ABI1: variants seen among roughly 807,000 people sequenced by gnomAD.
ABI1 encodes Abelson interactor 1.
A neutral mutation model predicts 54.6 loss-of-function variants in ABI1; 14 were observed. The observed-to-expected ratio is 0.26, with a 90% CI of 0.17 to 0.40. The LOEUF (loss-of-function observed/expected upper bound fraction) is 0.40. Ranked by LOEUF, ABI1 falls within the 10% of genes least tolerant of loss-of-function variation. The pLI is 1.00. For synonymous variants in ABI1, 194 were observed against 209.3 expected, an observed-to-expected ratio of 0.93 and a Z score of 0.63; for missense variants, 443 against 598.3, an observed-to-expected ratio of 0.74 and a Z score of 2.71.
Position 26,823,123 on chromosome 10 carries a change from T to A in ABI1, c.285+15A>T. On this transcript the variant is annotated intron_variant, in intron 2 of 10. Coordinates refer to ENST00000376140, the MANE Select transcript of ABI1 (RefSeq NM_001012750.3). ...TTTTTTTAAATTGAATTTAAAGCAT[T>A]TTATAAGCTGTTACCTGTGAGATAT... 6.4e-7 allele frequency: 1 copy of A among 1,566,696 alleles called. No homozygotes were observed. Among genetic ancestry groups the A allele is most frequent in the Non-Finnish European group, 8.6e-7 (1 of 1,164,612 alleles).
At position 26,784,628 on chromosome 10, in the gene ABI1, G is replaced by C. The variant is rs75000733; in HGVS notation, c.286-7387C>G. On this transcript the variant is annotated intron_variant, in intron 2 of 10. Transcript: ENST00000376140. The stretch of plus-strand genomic sequence containing the variant: ...TTATAGGCACACACAGTCCTTGGGA[G>C]TATTTCTTGTTTGGAAGTCGGGCAT... 2.9e-3 allele frequency among the ~76,000 whole-genome samples: 436 copies of C among 152,302 alleles called. 1 individual carries two copies. The highest frequency in any genetic ancestry group is 9.6e-3 in the African/African-American group (400 of 41,558).
In ABI1 at chr10:26,860,886, C is replaced by T. The variant is rs764543144; in HGVS notation, c.-23G>A. The T allele has an allele frequency of 6.2e-7, 1 of 1,606,220 alleles. No homozygotes were observed. Among genetic ancestry groups the T allele is most frequent in the Admixed American group, 1.7e-5 (1 of 60,012 alleles). ...CATTTTCCACCCCTCTGCATCGCTT[C>T]CTCTCGCGTTAAAGAGACAGAGGCA... On this transcript the variant is annotated 5_prime_UTR_variant, in exon 1 of 11. Coordinates refer to ENST00000376140, the MANE Select transcript of ABI1 (RefSeq NM_001012750.3). This position sits in a 1 kb window ranked among gnomAD's most constrained non-coding sequence, Gnocchi z 4.1.
At chr10:26,838,720 ATGTATTC>A (rs1164762654) in intron 1 of ABI1, among the ~76,000 whole-genome samples, 1 of 152,200 alleles carries the variant, frequency 6.6e-6, no homozygotes, top group African/African-American at 2.4e-5. Flanking sequence ...CTGTTGCAAT[ATGTATTC>A]TGTGACACAT....
At chr10:26,801,407 C>T (rs888061697) in intron 2 of ABI1, among the ~76,000 whole-genome samples, 4 of 151,998 alleles carry the variant, frequency 2.6e-5, no homozygotes, top group South Asian at 2.1e-4. Context: ...ATTAGCCAGG[C>T]GTGGTGGTAT....
chr10:26,860,658 C>T lies in ABI1; in HGVS notation c.117+89G>A. 1 of 1,048,044 alleles carries T rather than the reference C, an allele frequency of 9.5e-7. No homozygotes were observed. Among genetic ancestry groups the T allele is most frequent in the Non-Finnish European group, 1.5e-6 (1 of 677,808 alleles). 64.9% of individuals were successfully genotyped at this position (1,048,044 alleles called of 1,614,324 possible). On this transcript the variant is annotated intron_variant, in intron 1 of 10. Coordinates refer to ENST00000376140, the MANE Select transcript of ABI1 (RefSeq NM_001012750.3). This position sits in a 1 kb window ranked among gnomAD's most constrained non-coding sequence, Gnocchi z 4.1. ...TCGGGTTGGTGGCAGCCGCTGAGGT[C>T]AGGGCAGTTCCCCACCCCGCCCAGT...
At chr10:26,762,033 G>A (rs546684766) in intron 7 of ABI1, among the ~76,000 whole-genome samples, 1 of 152,054 alleles carries the variant, frequency 6.6e-6, no homozygotes, top group South Asian at 2.1e-4. Context: ...TTAAGATGGG[G>A]TCTCACTCTG....
chr10:26,795,233 C>G (rs1248461369), intron 2 of ABI1, among the ~76,000 whole-genome samples: 2 of 151,464 alleles, frequency 1.3e-5, no homozygotes, highest in African/African-American at 4.9e-5. Context: ...CCAAAAGTTT[C>G]CAGAGAGAAA....
intron 1 of ABI1, among the ~76,000 whole-genome samples, chr10:26,832,337 C>A (rs1386521064): frequency 6.6e-6 from 1 of 152,156 alleles, no homozygotes; most frequent in African/African-American, 2.4e-5. Context: ...AATCCCAGCA[C>A]TTTGGGAGGC....
intron 2 of ABI1, among the ~76,000 whole-genome samples, chr10:26,797,042 T>A (rs1205078781): frequency 1.3e-5 from 2 of 152,216 alleles, no homozygotes; most frequent in South Asian, 4.1e-4. Flanking sequence ...AGCCACGGAC[T>A]AGTACAGGCC....
intron 3 of ABI1, among the ~76,000 whole-genome samples, chr10:26,774,366 G>A (rs2132837891): frequency 6.6e-6 from 1 of 152,222 alleles, no homozygotes; most frequent in Admixed American, 6.5e-5. Context: ...TATGATCCAG[G>A]CTGTTAATTA....
chr10:26,818,862 C>T (rs2047773422), intron 2 of ABI1, among the ~76,000 whole-genome samples: 3 of 151,962 alleles, frequency 2.0e-5, no homozygotes, highest in South Asian at 2.1e-4. Flanking sequence ...TGGTGGCGGG[C>T]ACCCATAATC....
rs570504686 is a variant in ABI1 at position 26,832,393 on chromosome 10, T to C, written c.118-9088A>G. 2.8e-3 allele frequency among the ~76,000 whole-genome samples: 425 copies of C among 152,090 alleles called. 1 individual carries two copies. The highest frequency in any genetic ancestry group is 4.4e-3 in the Non-Finnish European group (297 of 67,964). ...GTCAGGAGATCAAGACCATCCTGGC[T>C]AACACAATGAAACCCTATCTCTATT... On this transcript the variant is annotated intron_variant, in intron 1 of 10. Transcript: ENST00000376140.
intron 2 of ABI1, among the ~76,000 whole-genome samples, chr10:26,794,197 C>T (rs1480539180): frequency 6.6e-6 from 1 of 151,546 alleles, no homozygotes; most frequent in African/African-American, 2.4e-5. Context: ...GAGCCAAGAT[C>T]GTGCCACTGT....
chr10:26,796,148 T>C (rs1844127524), intron 2 of ABI1, among the ~76,000 whole-genome samples: 2 of 151,626 alleles, frequency 1.3e-5, no homozygotes, highest in Non-Finnish European at 2.9e-5. Flanking sequence ...GTGGTTACCA[T>C]GGTTATTTTG....
At chr10:26,753,354 T>C (rs1303984064) in intron 9 of ABI1, among the ~76,000 whole-genome samples, 1 of 152,214 alleles carries the variant, frequency 6.6e-6, no homozygotes, top group African/African-American at 2.4e-5. Context: ...CCTCCTGACA[T>C]CAAACAGCCA....
intron 10 of ABI1, among the ~76,000 whole-genome samples, chr10:26,749,237 T>A (rs953694183): frequency 6.6e-6 from 1 of 152,200 alleles, no homozygotes; most frequent in Non-Finnish European, 1.5e-5. Context: ...GATTTTTTTT[T>A]AAAGAATATT....
chr10:26,860,935 C>T lies in ABI1; in HGVS notation c.-72G>A, dbSNP rs1046182101. Reference sequence around the variant, plus strand: ...CAGCAAGGTCCGCCGAGGCTCCGAGCACCTCACAGCCCGGATACAAACCGC... The same window carrying T: ...CAGCAAGGTCCGCCGAGGCTCCGAGTACCTCACAGCCCGGATACAAACCGC... On this transcript the variant is annotated 5_prime_UTR_variant, in exon 1 of 11. Transcript: ENST00000376140. This position sits in a 1 kb window ranked among gnomAD's most constrained non-coding sequence, Gnocchi z 4.1. 4.4e-5 allele frequency: 61 copies of T among 1,384,950 alleles called. No homozygotes were observed. The highest frequency in any genetic ancestry group is 5.4e-5 in the Non-Finnish European group (53 of 977,902). 85.8% of individuals were successfully genotyped at this position (1,384,950 alleles called of 1,614,324 possible).
intron 9 of ABI1, among the ~76,000 whole-genome samples, chr10:26,755,116 A>G (rs1008866569): frequency 2.0e-5 from 3 of 152,218 alleles, no homozygotes; most frequent in African/African-American, 7.2e-5. Context: ...TAATTTACTT[A>G]TTCCTGGTCA....
chr10:26,824,317 T>C lies in ABI1; in HGVS notation c.118-1012A>G, dbSNP rs188412376. 1.4e-3 allele frequency among the ~76,000 whole-genome samples: 211 copies of C among 152,292 alleles called. 1 individual carries two copies. The highest frequency in any genetic ancestry group is 4.7e-3 in the African/African-American group (194 of 41,576). ...AACTCTGATGCACTGGTAAGTGATA[T>C]CCAGCAATATTACACACAGATTTAC... is the stretch of plus-strand genomic sequence containing the variant. On this transcript the variant is annotated intron_variant, in intron 1 of 10. Coordinates refer to ENST00000376140, the MANE Select transcript of ABI1 (RefSeq NM_001012750.3).
Sources: gnomAD v4.1 joint callset for allele counts (sites outside exome capture counted in the v4.1 genomes callset) on GRCh38, gnomAD v4.1.1 for gene constraint, Gnocchi (gnomAD v3.1) non-coding constraint, MANE v1.5 for transcripts, NCBI Gene and HGNC (gene_info 2026-07-23, HGNC 2026-07-21) for gene names.